The following IQCJ variants were observed in gnomAD, a reference collection of about 807,000 sequenced individuals.
IQCJ encodes IQ motif containing J.
Under a neutral mutation model 11.0 loss-of-function variants are expected in IQCJ, and 9 were observed. That is an observed-to-expected ratio of 0.82 (90% CI 0.49 to 1.43). The LOEUF (loss-of-function observed/expected upper bound fraction) is 1.43, where lower values mean the gene tolerates loss of function less well. Among genes scored for constraint, IQCJ ranks in the 40% most tolerant of loss-of-function variants. The probability of loss-of-function intolerance (pLI) is 0.00; values close to 1 mark genes in which losing one functional copy is unlikely to be tolerated. For synonymous variants in IQCJ, 55 were observed against 51.3 expected, an observed-to-expected ratio of 1.07 and a Z score of -0.31; for missense variants, 146 against 133.2, an observed-to-expected ratio of 1.10 and a Z score of -0.47.
intron 3 of IQCJ, among the ~76,000 whole-genome samples, chr3:159,257,173 T>G (rs1727942787): frequency 6.6e-6 from 1 of 152,222 alleles, no homozygotes; most frequent in South Asian, 2.1e-4. Flanking sequence ...AACTGTGGAG[T>G]GGTCACTGCC....
At chr3:159,076,642 C>T (rs956942865) in intron 1 of IQCJ, among the ~76,000 whole-genome samples, 1 of 152,116 alleles carries the variant, frequency 6.6e-6, no homozygotes, top group African/African-American at 2.4e-5. Context: ...TTTAATATCT[C>T]TGGAACAGGA....
intron 1 of IQCJ, among the ~76,000 whole-genome samples, chr3:159,218,341 T>TTG (rs34078356): frequency 0.48 from 69,897 of 145,826 alleles, 17,861 homozygotes; most frequent in Non-Finnish European, 0.6. Context: ...GAGTCCCTCT[T>TTG]TGTGTGTGTG....
chr3:159,165,385 C>A (rs1722106051), intron 1 of IQCJ, among the ~76,000 whole-genome samples: 1 of 152,138 alleles, frequency 6.6e-6, no homozygotes, highest in Non-Finnish European at 1.5e-5. Flanking sequence ...GGACTGACTC[C>A]AAGAGTGGTA....
chr3:159,103,855 G>A (rs138791839), intron 1 of IQCJ, among the ~76,000 whole-genome samples: 14 of 152,378 alleles, frequency 9.2e-5, no homozygotes, highest in African/African-American at 3.4e-4. Flanking sequence ...AAGTAATAAT[G>A]CTAGGTAGTT....
intron 1 of IQCJ, among the ~76,000 whole-genome samples, chr3:159,075,027 G>A (rs984125320): frequency 2.0e-5 from 3 of 151,942 alleles, no homozygotes; most frequent in African/African-American, 7.2e-5. Context: ...GATTTAACAT[G>A]AACCAAAAAA....
intron 1 of IQCJ, among the ~76,000 whole-genome samples, chr3:159,076,345 C>T (rs546830477): frequency 6.6e-6 from 1 of 152,018 alleles, no homozygotes; most frequent in Non-Finnish European, 1.5e-5. Flanking sequence ...TACTCTATGA[C>T]CATGTATATG....
At chr3:159,087,506 C>T (rs1452380491) in intron 1 of IQCJ, among the ~76,000 whole-genome samples, 1 of 151,958 alleles carries the variant, frequency 6.6e-6, no homozygotes, top group Non-Finnish European at 1.5e-5. Context: ...CCAAGTCCTC[C>T]TTGTACCTCT....
At chr3:159,182,772 A>AT (rs1340997557) in intron 1 of IQCJ, among the ~76,000 whole-genome samples, 1 of 131,144 alleles carries the variant, frequency 7.6e-6, no homozygotes, top group Non-Finnish European at 1.6e-5. Flanking sequence ...CTTTATTTTT[A>AT]TTTATTTTAT....
chr3:159,259,527 G>A (rs1393480964), intron 3 of IQCJ, among the ~76,000 whole-genome samples: 1 of 152,164 alleles, frequency 6.6e-6, no homozygotes. Context: ...GATTCCTTAT[G>A]ATTGAGAGAT....
At chr3:159,169,279 CTTTTTTTTTTT>C (rs141888128) in intron 1 of IQCJ, among the ~76,000 whole-genome samples, 3 of 56,404 alleles carry the variant, frequency 5.3e-5, no homozygotes, top group African/African-American at 7.8e-5. Context: ...TTCTTTCTTT[CTTTTTTTTTTT>C]TTTTTTTTTT....
intron 2 of IQCJ, among the ~76,000 whole-genome samples, chr3:159,249,514 A>G (rs1177952858): frequency 6.6e-6 from 1 of 152,210 alleles, no homozygotes; most frequent in Non-Finnish European, 1.5e-5. Context: ...GGACAGAGAG[A>G]AAACAAGCAG....
chr3:159,107,499 C>T (rs1271513837), intron 1 of IQCJ, among the ~76,000 whole-genome samples: 3 of 152,184 alleles, frequency 2.0e-5, no homozygotes, highest in Admixed American at 2.0e-4. Flanking sequence ...TACCTAACTG[C>T]TTAAGGGGCT....
intron 1 of IQCJ, among the ~76,000 whole-genome samples, chr3:159,183,178 T>A (rs1475711431): frequency 1.3e-5 from 2 of 152,158 alleles, no homozygotes; most frequent in Non-Finnish European, 2.9e-5. Flanking sequence ...AGGAGGTGGT[T>A]CAGAGTTAGA....
At chr3:159,238,437 T>C (rs1192897507) in intron 1 of IQCJ, among the ~76,000 whole-genome samples, 1 of 152,162 alleles carries the variant, frequency 6.6e-6, no homozygotes, top group Non-Finnish European at 1.5e-5. Flanking sequence ...TTGGGATTTT[T>C]TGGGCCATTA....
At chr3:159,228,566 G>A (rs551970469) in intron 1 of IQCJ, among the ~76,000 whole-genome samples, 57 of 152,094 alleles carry the variant, frequency 3.7e-4, no homozygotes, top group African/African-American at 1.3e-3. Context: ...CGAGGCGGGC[G>A]GATCACGAGG....
chr3:159,101,713 T>C (rs1717936596), intron 1 of IQCJ, among the ~76,000 whole-genome samples: 1 of 152,218 alleles, frequency 6.6e-6, no homozygotes, highest in Non-Finnish European at 1.5e-5. Flanking sequence ...ACTGATCTTC[T>C]TTGTGTTCAG....
intron 1 of IQCJ, among the ~76,000 whole-genome samples, chr3:159,202,579 T>G (rs1268776127): frequency 6.6e-6 from 1 of 152,212 alleles, no homozygotes; most frequent in African/African-American, 2.4e-5. Flanking sequence ...CTCTTGGTCC[T>G]GTTGGCTTTT....
intron 1 of IQCJ, among the ~76,000 whole-genome samples, chr3:159,194,015 T>A (rs1723839657): frequency 6.6e-6 from 1 of 152,232 alleles, no homozygotes; most frequent in Non-Finnish European, 1.5e-5. Context: ...GACATTTTGA[T>A]ATTCCTCTTC....
intron 1 of IQCJ, among the ~76,000 whole-genome samples, chr3:159,156,118 CTCCCAATTTTATCTAA>C (rs1465854876): frequency 4.6e-5 from 7 of 152,176 alleles, no homozygotes; most frequent in African/African-American, 1.4e-4. Flanking sequence ...TTTACATAGC[CTCCCAATTTTATCTAA>C]TCCCTACATG....
Sources: gnomAD v4.1 joint callset for allele counts (sites outside exome capture counted in the v4.1 genomes callset) on GRCh38, gnomAD v4.1.1 for gene constraint, MANE v1.5 for transcripts, NCBI Gene and HGNC (gene_info 2026-07-23, HGNC 2026-07-21) for gene names.